The following TP63 variants were observed in gnomAD, a reference collection of about 807,000 sequenced individuals.
TP63 encodes the protein tumor protein 63.
In TP63, 17 loss-of-function variants were observed where a neutral mutation model predicts 82.8. The ratio of observed to expected loss-of-function variants is 0.21; its 90% CI spans 0.14 to 0.31. The LOEUF is 0.31. Among genes scored for constraint, TP63 ranks in the 10% least tolerant of loss-of-function variants. The pLI, the probability that TP63 is intolerant of heterozygous loss-of-function variation, is 1.00. For missense variants in TP63, 648 were observed against 895.3 expected, an observed-to-expected ratio of 0.72 and a Z score of 3.52; for synonymous variants, 330 against 321.7, an observed-to-expected ratio of 1.03 and a Z score of -0.28.
chr3:189,854,526 C>T (rs2108773423), intron 4 of TP63, among the ~76,000 whole-genome samples: 1 of 152,282 alleles, frequency 6.6e-6, no homozygotes, highest in South Asian at 2.1e-4. Context: ...AGCCACTGCG[C>T]CCGGCCTCTC....
intron 10 of TP63, among the ~76,000 whole-genome samples, chr3:189,883,808 C>T (rs1181525547): frequency 6.6e-6 from 1 of 151,964 alleles, no homozygotes; most frequent in Non-Finnish European, 1.5e-5. Context: ...ACCTACCCTC[C>T]TCAAATTAGT....
At chr3:189,804,004 G>C (rs1396776398) in intron 3 of TP63, among the ~76,000 whole-genome samples, 1 of 152,162 alleles carries the variant, frequency 6.6e-6, no homozygotes, top group African/African-American at 2.4e-5. Flanking sequence ...CTTGTGTTTA[G>C]AAAGGGAGAA....
intron 4 of TP63, among the ~76,000 whole-genome samples, chr3:189,855,287 C>G (rs1716145519): frequency 6.6e-6 from 1 of 152,242 alleles, no homozygotes; most frequent in East Asian, 1.9e-4. Context: ...CATTTAGAGA[C>G]AGTGCCACTT....
intron 3 of TP63, among the ~76,000 whole-genome samples, chr3:189,775,427 T>G (rs371084445): frequency 5.9e-5 from 9 of 152,248 alleles, no homozygotes; most frequent in African/African-American, 1.9e-4. Context: ...GGTTCTACCC[T>G]TTCAGTATAA....
Position 189,866,664 on chromosome 3 carries a change from T to G in TP63, c.767-18T>G. 1 of 1,607,652 alleles carries G rather than the reference T, an allele frequency of 6.2e-7. No individual in the cohort carries two copies. Among genetic ancestry groups the G allele is most frequent in the Non-Finnish European group, 8.5e-7 (1 of 1,174,236 alleles). On this transcript the variant is annotated intron_variant, in intron 5 of 13. Coordinates refer to ENST00000264731, the MANE Select transcript of TP63 (RefSeq NM_003722.5). ...TTAAGGTAAAGAACTAACTCTTTTA[T>G]TGTTTTCTGCTCTGCAGGACAGATT...
At chr3:189,765,100 A>G (rs557352269) in intron 3 of TP63, among the ~76,000 whole-genome samples, 117 of 152,294 alleles carry the variant, frequency 7.7e-4, no homozygotes, top group African/African-American at 2.6e-3. Flanking sequence ...CATCTTTGCT[A>G]TTGAATTAAA....
intron 3 of TP63, among the ~76,000 whole-genome samples, chr3:189,794,488 A>G (rs947970194): frequency 6.6e-6 from 1 of 152,046 alleles, no homozygotes; most frequent in African/African-American, 2.4e-5. Context: ...TTCTAGAAAT[A>G]TAAGAAGGAA....
At chr3:189,863,851 A>G (rs1717354340) in intron 4 of TP63, among the ~76,000 whole-genome samples, 1 of 152,162 alleles carries the variant, frequency 6.6e-6, no homozygotes, top group South Asian at 2.1e-4. Flanking sequence ...GTTGTTGTTT[A>G]ATATCACTCA....
At chr3:189,825,535 G>T (rs905039683) in intron 4 of TP63, among the ~76,000 whole-genome samples, 1 of 152,194 alleles carries the variant, frequency 6.6e-6, no homozygotes, top group South Asian at 2.1e-4. Flanking sequence ...AAAATACCCA[G>T]AGGTATTGCT....
intron 1 of TP63, among the ~76,000 whole-genome samples, chr3:189,696,076 A>G (rs931728034): frequency 2.0e-5 from 3 of 152,110 alleles, no homozygotes; most frequent in Admixed American, 6.6e-5. Flanking sequence ...TGCACACATT[A>G]AGGTTCATTA....
chr3:189,886,403 A>G lies in TP63; in HGVS notation c.1359A>G (p.Ile453Met). 6.2e-7 allele frequency: 1 copy of G among 1,614,068 alleles called. No individual in the cohort carries two copies. Among genetic ancestry groups the G allele is most frequent in the East Asian group, 2.2e-5 (1 of 44,880 alleles). The change falls in exon 11 of 14, where the codon ATA becomes ATG. Residue 453 changes from isoleucine (I) to methionine (M), a missense_variant. By Grantham distance (10) the Ile-to-Met change is conservative. Coordinates refer to ENST00000264731, the MANE Select transcript of TP63 (RefSeq NM_003722.5). ...HQHLLQKQTS[I>M]QSPSSYGNSS... ...ATGTTTGTCTTCCTAGGACCTCAATACAGTCTCCATCTTCATATGGTAACA... is the reference window on the plus strand; with the variant it reads ...ATGTTTGTCTTCCTAGGACCTCAATGCAGTCTCCATCTTCATATGGTAACA...
intron 4 of TP63, among the ~76,000 whole-genome samples, chr3:189,835,580 C>T (rs1347778217): frequency 6.6e-6 from 1 of 152,112 alleles, no homozygotes; most frequent in Non-Finnish European, 1.5e-5. Context: ...AACTGTTTGC[C>T]TACAACTAAA....
intron 1 of TP63, among the ~76,000 whole-genome samples, chr3:189,684,032 A>G (rs76776930): frequency 2.3e-3 from 348 of 152,324 alleles, no homozygotes; most frequent in African/African-American, 8.1e-3. Flanking sequence ...TTGGTAAAAT[A>G]TCATTATGAC....
chr3:189,740,304 C>G (rs924899454), intron 3 of TP63, among the ~76,000 whole-genome samples: 1 of 152,014 alleles, frequency 6.6e-6, no homozygotes, highest in Non-Finnish European at 1.5e-5. Flanking sequence ...TAGGACATTC[C>G]CAATTTTCAT....
intron 1 of TP63, among the ~76,000 whole-genome samples, chr3:189,720,870 C>G (rs1719339932): frequency 6.6e-6 from 1 of 152,084 alleles, no homozygotes. Context: ...TAAGAGACAG[C>G]AAACAAAGAG....
rs551261331 is a variant in TP63, at chr3:189,778,645, A to G, written c.325-29627A>G. ...CTAAATAGGAATTGTAAGAATGTGG[A>G]TATTTTGAGGAATGAGTTAGGAGAA... On this transcript the variant is annotated intron_variant, in intron 3 of 13. Coordinates refer to ENST00000264731, the MANE Select transcript of TP63 (RefSeq NM_003722.5). 8.5e-5 allele frequency among the ~76,000 whole-genome samples: 13 copies of G among 152,356 alleles called. No homozygotes were observed. The South Asian group carries it at 2.7e-3, about 32-fold the overall frequency.
chr3:189,768,960 C>A (rs1229922199), intron 3 of TP63, among the ~76,000 whole-genome samples: 1 of 152,144 alleles, frequency 6.6e-6, no homozygotes. Flanking sequence ...AATCTGGCTG[C>A]AGAAGACCTC....
chr3:189,610,132 T>A, the TP63 span, among the ~76,000 whole-genome samples: 2 of 152,204 alleles, frequency 1.3e-5, no homozygotes, highest in Non-Finnish European at 2.9e-5. Flanking sequence ...ATCAGTGATA[T>A]TGAGCTTTTT....
At chr3:189,717,629 A>G (rs1327384264) in intron 1 of TP63, among the ~76,000 whole-genome samples, 2 of 152,208 alleles carry the variant, frequency 1.3e-5, no homozygotes, top group African/African-American at 4.8e-5. Flanking sequence ...ATCCTGATTA[A>G]ATGAAGTTGG....
Sources: allele counts gnomAD v4.1 joint callset (sites outside exome capture counted in the v4.1 genomes callset), GRCh38; gene constraint gnomAD v4.1.1; transcripts MANE v1.5; gene names NCBI Gene and HGNC (gene_info 2026-07-23, HGNC 2026-07-21).